Variants in KCNQ4 observed in about 807,000 individuals in gnomAD.
The protein encoded by KCNQ4 is potassium voltage-gated channel subfamily Q member 4.
KCNQ4 carries 31 observed loss-of-function variants against 72.6 expected under a neutral mutation model. The observed-to-expected ratio is 0.43, with a 90% confidence interval of 0.32 to 0.58. The LOEUF (loss-of-function observed/expected upper bound fraction) is 0.58. Ranked by LOEUF, KCNQ4 falls within the 20% of genes least tolerant of loss-of-function variation. The probability of loss-of-function intolerance (pLI) is 0.08; values close to 1 mark genes in which losing one functional copy is unlikely to be tolerated. For synonymous variants in KCNQ4, 405 were observed against 403.7 expected (o/e 1.00, Z -0.04); for missense variants, 869 against 962.6 (o/e 0.90, Z 1.29).
chr1:40,817,291 T>G lies in KCNQ4; in HGVS notation c.341T>G (p.Val114Gly). Residue 114 changes from valine (V) to glycine (G), a missense_variant, in exon 2 of 14, where the codon GTG becomes GGG. Val to Gly is a moderately radical substitution (Grantham distance 109). Transcript: ENST00000347132. The surrounding 1 kb of genome is among the most constrained non-coding windows in gnomAD (Gnocchi z 5.5). ...TTTTTGCTGGTCTTCAGCTGCCTGG[T>G]GCTGTCTGTGCTGTCCACTATCCAG... is the stretch of plus-strand genomic sequence containing the variant. Reference protein sequence around the residue: ...FIFLLVFSCLVLSVLSTIQEH... With the variant: ...FIFLLVFSCLGLSVLSTIQEH... 2 of 1,613,978 alleles carry G rather than the reference T, an allele frequency of 1.2e-6. No individual in the cohort carries two copies. Among genetic ancestry groups the G allele is most frequent in the South Asian group, 1.1e-5 (1 of 90,958 alleles).
rs370902741 is a variant in KCNQ4, at chr1:40,822,349, G to T, written c.1077G>T (p.Arg359=). The change falls in exon 8 of 14, where the codon CGG becomes CGT. Residue 359 remains arginine (R), a synonymous_variant. Transcript: ENST00000347132. ...GCCTGTACTCCACCGATATGAGCCG[G>T]GCCTACCTGACAGCCACCTGGTACT... is the stretch of plus-strand genomic sequence containing the variant. The part of the protein sequence containing the change: ...AWRLYSTDMS[R]AYLTATWYYY... The T allele has an allele frequency of 1.3e-5, 20 of 1,584,950 alleles. No individual in the cohort carries two copies. Among genetic ancestry groups the T allele is most frequent in the Non-Finnish European group, 1.7e-5 (20 of 1,163,002 alleles).
Position 40,817,489 on chromosome 1 carries a change from G to A in KCNQ4, c.405+134G>A. The A allele has an allele frequency of 1.6e-6, 1 of 629,956 alleles. No homozygotes were observed. The highest frequency in any genetic ancestry group is 2.8e-6 in the Non-Finnish European group (1 of 359,886). 39.0% of individuals were successfully genotyped at this position (629,956 alleles called of 1,614,324 possible). A position where few individuals can be genotyped will look rare whatever the true frequency, so the allele number is the denominator to read the frequency against. On this transcript the variant is annotated intron_variant, in intron 2 of 13. Coordinates refer to ENST00000347132, the MANE Select transcript of KCNQ4 (RefSeq NM_004700.4). The surrounding 1 kb of genome is among the most constrained non-coding windows in gnomAD (Gnocchi z 5.5). ...TCCGGGACTGAAGGGGGCTGTGTGA[G>A]GTAGCACCTCTGGGCTGGGAGTCCG...
chr1:40,820,022 A>T (rs1449993686), intron 6 of KCNQ4, 37 bp downstream of exon 6: 1 of 1,581,418 alleles, frequency 6.3e-7, no homozygotes, highest in Non-Finnish European at 8.7e-7. Flanking sequence ...GGGGAGGCTG[A>T]GGGTGGGACC....
chr1:40,804,900 G>A (rs1356452694), intron 1 of KCNQ4: 1 of 151,774 alleles, frequency 6.6e-6, no homozygotes, highest in Non-Finnish European at 1.5e-5. Flanking sequence ...GAGGTGGGAG[G>A]ATCATTTGAG....
intron 1 of KCNQ4, among the ~76,000 whole-genome samples, chr1:40,787,468 G>A (rs570552867): frequency 4.6e-5 from 7 of 152,246 alleles, no homozygotes; most frequent in East Asian, 1.9e-4. Flanking sequence ...CTGCCAGCCC[G>A]TCCCCTCTGA....
chr1:40,816,282 G>A (rs1055539980), intron 1 of KCNQ4, among the ~76,000 whole-genome samples: 1 of 152,084 alleles, frequency 6.6e-6, no homozygotes, highest in African/African-American at 2.4e-5. Flanking sequence ...TCCTAAAGAG[G>A]GGTGCTCCTG....
chr1:40,793,375 C>A (rs1647327638), intron 1 of KCNQ4, among the ~76,000 whole-genome samples: 1 of 152,160 alleles, frequency 6.6e-6, no homozygotes, highest in Admixed American at 6.5e-5. Context: ...AGCAGCTCTG[C>A]CTCCTCTTTC....
chr1:40,819,148 A>C (rs1648198234), intron 4 of KCNQ4, among the ~76,000 whole-genome samples, 199 bp from the exon 5 acceptor site: 30 of 4,498 alleles, frequency 6.7e-3, no homozygotes, highest in Non-Finnish European at 8.2e-3. Flanking sequence ...GGGGGTGGGA[A>C]TGGGGGTCGG....
chr1:40,824,915 T>C (rs575141747), intron 9 of KCNQ4, among the ~76,000 whole-genome samples: 5 of 152,354 alleles, frequency 3.3e-5, no homozygotes, highest in East Asian at 3.9e-4. Context: ...AGGTACACTT[T>C]GGCGCTCCCA....
At chr1:40,823,945 C>T in intron 8 of KCNQ4, 152 bp from the exon 9 acceptor site, 1 of 837,236 alleles carries the variant, frequency 1.2e-6, no homozygotes. Context: ...CAGTCTCCCA[C>T]TGTCCACCCT....
At chr1:40,806,232 A>G (rs990609252) in intron 1 of KCNQ4, among the ~76,000 whole-genome samples, 1 of 152,350 alleles carries the variant, frequency 6.6e-6, no homozygotes, top group South Asian at 2.1e-4. Flanking sequence ...GAAGGTTTCC[A>G]CTAGCCATCT....
At chr1:40,824,014 C>A in intron 8 of KCNQ4, 83 bp from the exon 9 acceptor site, 1 of 1,487,558 alleles carries the variant, frequency 6.7e-7, no homozygotes, top group Non-Finnish European at 9.2e-7. Flanking sequence ...CTGGCAAGAT[C>A]TGAGCTCAGG....
intron 11 of KCNQ4, among the ~76,000 whole-genome samples, chr1:40,834,628 C>G (rs1648756131): frequency 6.6e-6 from 1 of 151,914 alleles, no homozygotes; most frequent in Non-Finnish European, 1.5e-5. Flanking sequence ...ATTGATGTGC[C>G]TGCCCCACAA....
chr1:40,820,037 C>A, intron 6 of KCNQ4, 52 bp downstream of exon 6: 2 of 1,553,804 alleles, frequency 1.3e-6, no homozygotes, highest in Non-Finnish European at 1.8e-6. Context: ...GGGACCTGCT[C>A]ACCCCTGTCA....
chr1:40,803,755 C>A (rs540442793), intron 1 of KCNQ4, among the ~76,000 whole-genome samples: 24 of 152,348 alleles, frequency 1.6e-4, no homozygotes, highest in African/African-American at 4.8e-4. Context: ...GCTCTCAGGG[C>A]AGCTGTAACC....
chr1:40,803,392 C>A (rs551491023), intron 1 of KCNQ4, among the ~76,000 whole-genome samples: 2 of 152,322 alleles, frequency 1.3e-5, no homozygotes, highest in African/African-American at 4.8e-5. Flanking sequence ...GAGACAGAAC[C>A]CACCGACCCA....
At chr1:40,809,992 G>C (rs998502271) in intron 1 of KCNQ4, among the ~76,000 whole-genome samples, 2 of 151,984 alleles carry the variant, frequency 1.3e-5, no homozygotes, top group African/African-American at 4.8e-5. Flanking sequence ...TTGAACCCAG[G>C]AGGCGGAGGT....
chr1:40,794,127 T>C lies in KCNQ4; in HGVS notation c.314+9720T>C, dbSNP rs865861365. Among the ~76,000 whole-genome samples, 1 of 152,178 alleles carries C rather than the reference T, an allele frequency of 6.6e-6. No individual in the cohort carries two copies. The highest frequency in any genetic ancestry group is 1.5e-5 in the Non-Finnish European group (1 of 68,030). On this transcript the variant is annotated intron_variant, in intron 1 of 13. Coordinates refer to ENST00000347132, the MANE Select transcript of KCNQ4 (RefSeq NM_004700.4). This position sits in a 1 kb window ranked among gnomAD's most constrained non-coding sequence, Gnocchi z 4.2. The stretch of plus-strand genomic sequence containing the variant: ...TGGAGCACTGAGCTGTGGGTGTTCA[T>C]GATTTTTATCCCGAGTGAGCTCCAG...
intron 7 of KCNQ4, among the ~76,000 whole-genome samples, chr1:40,821,683 A>G (rs1648298452): frequency 6.6e-6 from 1 of 152,186 alleles, no homozygotes; most frequent in African/African-American, 2.4e-5. Flanking sequence ...TTCTGCAAAC[A>G]TTTGCAAAGC....
Sources: allele counts gnomAD v4.1 joint callset (sites outside exome capture counted in the v4.1 genomes callset), GRCh38; gene constraint gnomAD v4.1.1; non-coding constraint Gnocchi (gnomAD v3.1); transcripts MANE v1.5; gene names NCBI Gene and HGNC (gene_info 2026-07-23, HGNC 2026-07-21).